Variants in LYRM4 observed in about 807,000 individuals in gnomAD.
The protein encoded by LYRM4 is LYR motif containing 4.
LYRM4 carries 9 observed loss-of-function variants against 11.7 expected under a neutral mutation model. The ratio of observed to expected loss-of-function variants is 0.77; its 90% confidence interval spans 0.46 to 1.34. The LOEUF is 1.34. Among genes scored for constraint, LYRM4 ranks in the 40% most tolerant of loss-of-function variants. The probability of loss-of-function intolerance (pLI) is 0.00; values close to 1 mark genes in which losing one functional copy is unlikely to be tolerated. For missense variants in LYRM4, 133 were observed against 112.5 expected (o/e 1.18, Z -0.82); for synonymous variants, 42 against 40.4 (o/e 1.04, Z -0.15).
At chr6:5,044,719 G>C in the LYRM4 span, among the ~76,000 whole-genome samples, 1 of 152,172 alleles carries the variant, frequency 6.6e-6, no homozygotes, top group Non-Finnish European at 1.5e-5. Context: ...TCCTGCACTG[G>C]ATGACCCAAT....
the LYRM4 span, among the ~76,000 whole-genome samples, chr6:5,052,000 C>T: frequency 6.6e-6 from 1 of 152,112 alleles, no homozygotes; most frequent in Non-Finnish European, 1.5e-5. Flanking sequence ...GAAGTGTCTG[C>T]CTCCATAACC....
chr6:5,187,729 T>C (rs1313160888), intron 2 of LYRM4, among the ~76,000 whole-genome samples: 1 of 152,116 alleles, frequency 6.6e-6, no homozygotes, highest in East Asian at 1.9e-4. Context: ...GTTGTGCACA[T>C]GTACCCTAGA....
At chr6:5,183,544 G>A (rs1760203822) in intron 2 of LYRM4, among the ~76,000 whole-genome samples, 1 of 152,162 alleles carries the variant, frequency 6.6e-6, no homozygotes, top group Non-Finnish European at 1.5e-5. Flanking sequence ...AAAAATTTCT[G>A]GAGAATAAGC....
At chr6:5,120,474 T>C (rs563372759) in intron 2 of LYRM4, among the ~76,000 whole-genome samples, 23 of 152,168 alleles carry the variant, frequency 1.5e-4, no homozygotes, top group South Asian at 6.2e-4. Flanking sequence ...CTCTTAAAGG[T>C]GGTGTGGACC....
chr6:5,097,996 A>T, the LYRM4 span, among the ~76,000 whole-genome samples: 1 of 152,116 alleles, frequency 6.6e-6, no homozygotes, highest in Non-Finnish European at 1.5e-5. Flanking sequence ...ATACAAAAAA[A>T]ATTCTTTTTA....
At chr6:5,161,702 T>C (rs1011195149) in intron 2 of LYRM4, among the ~76,000 whole-genome samples, 3 of 152,202 alleles carry the variant, frequency 2.0e-5, no homozygotes, top group African/African-American at 7.2e-5. Flanking sequence ...CCACTACATT[T>C]CTCATTGGAG....
intron 1 of LYRM4, chr6:5,240,420 C>T (rs980823507): frequency 2.0e-5 from 3 of 152,120 alleles, no homozygotes; most frequent in African/African-American, 7.2e-5. Context: ...GATACTCAAA[C>T]ACAATACAAA....
chr6:5,035,054 A>G, the LYRM4 span, among the ~76,000 whole-genome samples: 1 of 152,048 alleles, frequency 6.6e-6, no homozygotes, highest in African/African-American at 2.4e-5. Flanking sequence ...TAGGATGTTG[A>G]TAAACAAACC....
chr6:5,074,299 CTA>C, the LYRM4 span, among the ~76,000 whole-genome samples: 3 of 151,678 alleles, frequency 2.0e-5, no homozygotes, highest in Non-Finnish European at 4.4e-5. Flanking sequence ...TTATTACTGA[CTA>C]GGTCAGTCTA....
chr6:5,223,887 T>C (rs1211182916), intron 1 of LYRM4, among the ~76,000 whole-genome samples: 4 of 152,188 alleles, frequency 2.6e-5, no homozygotes, highest in Admixed American at 2.6e-4. Context: ...CTTCCCTGTT[T>C]AAAAATGCCT....
chr6:5,214,884 C>G (rs1175805217), intron 2 of LYRM4, among the ~76,000 whole-genome samples: 1 of 151,642 alleles, frequency 6.6e-6, no homozygotes, highest in Non-Finnish European at 1.5e-5. Context: ...TGACAGCAAG[C>G]TGTTCTGCAA....
chr6:5,260,202 G>A (rs568166060), intron 1 of LYRM4, among the ~76,000 whole-genome samples: 13 of 152,168 alleles, frequency 8.5e-5, no homozygotes, highest in Non-Finnish European at 1.8e-4. Flanking sequence ...TTTTAGGGAG[G>A]TGCTAGAGTG....
chr6:5,051,135 G>A, the LYRM4 span, among the ~76,000 whole-genome samples: 1 of 152,154 alleles, frequency 6.6e-6, no homozygotes, highest in Non-Finnish European at 1.5e-5. Flanking sequence ...GGACTTGAAG[G>A]CCAAAAAGAT....
chr6:5,226,418 C>CT (rs1313947727), intron 1 of LYRM4, among the ~76,000 whole-genome samples: 2 of 152,138 alleles, frequency 1.3e-5, no homozygotes, highest in Admixed American at 1.3e-4. Context: ...GAGTTTTGCT[C>CT]TTGTTGCCCA....
chr6:5,237,849 T>C (rs1052534346), intron 1 of LYRM4, among the ~76,000 whole-genome samples: 1 of 152,240 alleles, frequency 6.6e-6, no homozygotes, highest in African/African-American at 2.4e-5. Context: ...GTTGTACTTA[T>C]GCTGAGGATG....
the LYRM4 span, among the ~76,000 whole-genome samples, chr6:5,055,479 G>C: frequency 1.3e-5 from 2 of 152,198 alleles, no homozygotes. This position sits in a 1 kb window ranked among gnomAD's most constrained non-coding sequence, Gnocchi z 4.5. Flanking sequence ...TGAAGTCACT[G>C]TGCCTAGTAA....
intron 2 of LYRM4, among the ~76,000 whole-genome samples, chr6:5,202,097 G>C: frequency 6.6e-6 from 1 of 152,248 alleles, no homozygotes; most frequent in African/African-American, 2.4e-5. Flanking sequence ...GAATAACCAT[G>C]ACCAAAACTT....
chr6:5,043,782 C>T, the LYRM4 span, among the ~76,000 whole-genome samples: 1 of 152,162 alleles, frequency 6.6e-6, no homozygotes, highest in Non-Finnish European at 1.5e-5. Flanking sequence ...CTTTATTGGT[C>T]TCTCACATGC....
At chr6:5,063,642 C>G in the LYRM4 span, among the ~76,000 whole-genome samples, 1 of 152,198 alleles carries the variant, frequency 6.6e-6, no homozygotes, top group Non-Finnish European at 1.5e-5. Context: ...GATGTTTGTT[C>G]AGTGAGTGAG....
Sources: gnomAD v4.1 joint callset for allele counts (sites outside exome capture counted in the v4.1 genomes callset) on GRCh38, gnomAD v4.1.1 for gene constraint, Gnocchi (gnomAD v3.1) non-coding constraint, MANE v1.5 for transcripts, NCBI Gene and HGNC (gene_info 2026-07-23, HGNC 2026-07-21) for gene names.